Variants in PDE4D observed in about 807,000 individuals in gnomAD.
The protein encoded by PDE4D is 3',5'-cyclic-AMP phosphodiesterase 4D.
A neutral mutation model predicts 87.4 loss-of-function variants in PDE4D; 24 were observed. That is an observed-to-expected ratio of 0.27 (90% CI 0.20 to 0.39). The LOEUF (loss-of-function observed/expected upper bound fraction) is 0.39, where lower values mean the gene tolerates loss of function less well. Among genes scored for constraint, PDE4D ranks in the 10% least tolerant of loss-of-function variants. The pLI is 1.00. For synonymous variants in PDE4D, 384 were observed against 383.2 expected (o/e 1.00, Z -0.02); for missense variants, 714 against 1,041.0 (o/e 0.69, Z 4.32).
chr5:60,002,632 G>A (rs1175430839), intron 2 of PDE4D, among the ~76,000 whole-genome samples: 2 of 152,102 alleles, frequency 1.3e-5, no homozygotes, highest in East Asian at 3.9e-4. Flanking sequence ...ATCAAAAAAT[G>A]TAATATACCG....
chr5:59,220,377 C>CAAAAAA (rs57610513), intron 1 of PDE4D, among the ~76,000 whole-genome samples: 44 of 36,126 alleles, frequency 1.2e-3, no homozygotes, highest in East Asian at 7.3e-3. Context: ...GACTCTGTCT[C>CAAAAAA]AAAAAAAAAA....
chr5:60,192,528 G>C (rs1012555492), intron 1 of PDE4D, among the ~76,000 whole-genome samples: 1 of 152,074 alleles, frequency 6.6e-6, no homozygotes, highest in Middle Eastern at 3.2e-3. Flanking sequence ...ATGTCAAATA[G>C]TAAAGGAATT....
intron 1 of PDE4D, among the ~76,000 whole-genome samples, chr5:59,248,590 G>A: frequency 6.6e-6 from 1 of 152,114 alleles, no homozygotes; most frequent in East Asian, 1.9e-4. Context: ...AGGTTTAGAA[G>A]GCAAATAGAA....
chr5:59,864,584 A>T (rs1445026643), intron 1 of PDE4D, among the ~76,000 whole-genome samples: 2 of 152,208 alleles, frequency 1.3e-5, no homozygotes, highest in Admixed American at 6.5e-5. Flanking sequence ...CTTAGCAAAG[A>T]GCTGGGTATA....
chr5:59,414,491 A>T (rs981209955), intron 1 of PDE4D, among the ~76,000 whole-genome samples: 6 of 152,208 alleles, frequency 3.9e-5, no homozygotes, highest in Admixed American at 2.6e-4. Flanking sequence ...CAAGGCATGG[A>T]GACACAAACA....
At chr5:60,127,099 G>T (rs1234457984) in intron 2 of PDE4D, among the ~76,000 whole-genome samples, 1 of 152,132 alleles carries the variant, frequency 6.6e-6, no homozygotes, top group African/African-American at 2.4e-5. Flanking sequence ...GGAGAGAAAA[G>T]CAGAAGCATG....
At chr5:59,648,799 T>C (rs1351805674) in intron 1 of PDE4D, among the ~76,000 whole-genome samples, 7 of 152,108 alleles carry the variant, frequency 4.6e-5, no homozygotes, top group Non-Finnish European at 7.4e-5. Context: ...GAAAGATTAT[T>C]AGAATTATTT....
intron 3 of PDE4D, among the ~76,000 whole-genome samples, chr5:59,928,593 A>T (rs1343725030): frequency 1.3e-5 from 2 of 152,134 alleles, no homozygotes; most frequent in Non-Finnish European, 2.9e-5. Flanking sequence ...AAAGAAAAAG[A>T]AAAAGAAAAT....
At chr5:60,270,428 T>A (rs1750698300) in intron 1 of PDE4D, among the ~76,000 whole-genome samples, 1 of 152,180 alleles carries the variant, frequency 6.6e-6, no homozygotes, top group African/African-American at 2.4e-5. Context: ...TTTGTATCAT[T>A]CAGACCAGAA....
At chr5:59,212,041 T>G (rs1478989328) in intron 2 of PDE4D, among the ~76,000 whole-genome samples, 1 of 152,130 alleles carries the variant, frequency 6.6e-6, no homozygotes, top group Non-Finnish European at 1.5e-5. Flanking sequence ...AGAAAATTTC[T>G]CAATAGGAAA....
At chr5:59,394,223 C>T (rs896775889) in intron 1 of PDE4D, among the ~76,000 whole-genome samples, 1 of 152,110 alleles carries the variant, frequency 6.6e-6, no homozygotes, top group Admixed American at 6.5e-5. Flanking sequence ...AAGCCTGCAG[C>T]CTTAGAAGAA....
At chr5:59,635,362 G>A (rs1405086914) in intron 1 of PDE4D, among the ~76,000 whole-genome samples, 1 of 152,182 alleles carries the variant, frequency 6.6e-6, no homozygotes, top group African/African-American at 2.4e-5. Flanking sequence ...AATAGAAAAA[G>A]AGGGACTCCT....
At chr5:59,443,919 G>A (rs186176315) in intron 1 of PDE4D, among the ~76,000 whole-genome samples, 9 of 150,760 alleles carry the variant, frequency 6.0e-5, no homozygotes, top group Admixed American at 4.6e-4. Flanking sequence ...TTTTTAAAGA[G>A]AGAAAACAAG....
At chr5:60,101,751 C>A (rs1776241176) in intron 2 of PDE4D, among the ~76,000 whole-genome samples, 1 of 152,154 alleles carries the variant, frequency 6.6e-6, no homozygotes, top group Admixed American at 6.5e-5. Flanking sequence ...TGGAATTTCA[C>A]AAATGCTTCC....
intron 5 of PDE4D, among the ~76,000 whole-genome samples, chr5:59,176,440 G>A (rs1176026275): frequency 1.3e-5 from 2 of 152,016 alleles, no homozygotes; most frequent in Admixed American, 1.3e-4. Context: ...TGTAATCCCA[G>A]CTACTTGGGA....
chr5:59,794,501 T>C (rs569167680), intron 1 of PDE4D, among the ~76,000 whole-genome samples: 1 of 152,150 alleles, frequency 6.6e-6, no homozygotes, highest in South Asian at 2.1e-4. Context: ...TCCCTCCTGC[T>C]TGCAGGTCCG....
intron 1 of PDE4D, among the ~76,000 whole-genome samples, chr5:59,733,431 A>C (rs1757657515): frequency 6.6e-6 from 1 of 152,124 alleles, no homozygotes; most frequent in Non-Finnish European, 1.5e-5. Flanking sequence ...GATGAGATGT[A>C]GTATAATAAG....
intron 1 of PDE4D, among the ~76,000 whole-genome samples, chr5:59,828,252 C>A (rs541172900): frequency 6.6e-6 from 1 of 151,898 alleles, no homozygotes; most frequent in Non-Finnish European, 1.5e-5. Flanking sequence ...AAAATACTGG[C>A]TTGAAAATGT....
At chr5:59,502,510 T>C (rs557005845) in intron 1 of PDE4D, among the ~76,000 whole-genome samples, 1 of 152,214 alleles carries the variant, frequency 6.6e-6, no homozygotes, top group African/African-American at 2.4e-5. Context: ...ACTGAAAAGA[T>C]GGAGATATAT....
Sources: allele counts gnomAD v4.1 joint callset (sites outside exome capture counted in the v4.1 genomes callset), GRCh38; gene constraint gnomAD v4.1.1; transcripts MANE v1.5; gene names NCBI Gene and HGNC (gene_info 2026-07-23, HGNC 2026-07-21).